Variants in GLRX3 observed in about 807,000 individuals in gnomAD.
GLRX3 encodes glutaredoxin 3.
In GLRX3, 22 loss-of-function variants were observed where a neutral mutation model predicts 49.5. The ratio of observed to expected loss-of-function variants is 0.44; its 90% CI spans 0.32 to 0.63. GLRX3 has a LOEUF of 0.63. Among genes scored for constraint, GLRX3 ranks in the 30% least tolerant of loss-of-function variants. The pLI, the probability that GLRX3 is intolerant of heterozygous loss-of-function variation, is 0.05. For missense variants in GLRX3, 385 were observed against 396.3 expected, an observed-to-expected ratio of 0.97 and a Z score of 0.24; for synonymous variants, 133 against 140.0, an observed-to-expected ratio of 0.95 and a Z score of 0.35.
chr10:130,171,498 T>C, intron 7 of GLRX3, 86 bp from the exon 8 acceptor site: 1 of 803,856 alleles, frequency 1.2e-6, no homozygotes, highest in Non-Finnish European at 2.2e-6. Context: ...GGACAAGTGC[T>C]GTGCTGGTTG....
intron 2 of GLRX3, among the ~76,000 whole-genome samples, chr10:130,149,196 G>A: frequency 6.6e-6 from 1 of 152,114 alleles, no homozygotes; most frequent in Non-Finnish European, 1.5e-5. Context: ...ACCTCCTAGG[G>A]CCCAGAGGAG....
intron 10 of GLRX3, among the ~76,000 whole-genome samples, chr10:130,177,719 G>C (rs548733405): frequency 1.2e-3 from 189 of 152,310 alleles, no homozygotes; most frequent in Non-Finnish European, 2.4e-3. Flanking sequence ...GGAGGGGCAG[G>C]GTGTCTGCTT....
At chr10:130,160,096 T>C (rs768650215) in intron 3 of GLRX3, 27 bp downstream of exon 3, 12 of 1,388,762 alleles carry the variant, frequency 8.6e-6, no homozygotes, top group Non-Finnish European at 1.1e-5. Flanking sequence ...TACAAGAGAT[T>C]ATCCATTTGT....
chr10:130,145,115 A>G, intron 1 of GLRX3, 96 bp from the exon 2 acceptor site: 2 of 539,952 alleles, frequency 3.7e-6, no homozygotes, highest in South Asian at 3.0e-5. Flanking sequence ...GGTTCTTTTA[A>G]AGCTTTCTTT....
At chr10:130,172,469 T>A (rs918666435) in intron 8 of GLRX3, among the ~76,000 whole-genome samples, 4 of 152,200 alleles carry the variant, frequency 2.6e-5, no homozygotes, top group Non-Finnish European at 5.9e-5. Context: ...ATACAGCACA[T>A]GTTCTATAGG....
intron 8 of GLRX3, among the ~76,000 whole-genome samples, chr10:130,173,825 C>T (rs183340532): frequency 5.3e-5 from 8 of 152,148 alleles, no homozygotes; most frequent in African/African-American, 1.7e-4. Context: ...TGATTTATCC[C>T]GTCATTTAGT....
chr10:130,174,866 GT>G lies in GLRX3; in HGVS notation c.825del (p.Val276LeufsTer18). 1 of 1,567,678 alleles carries G rather than the reference GT, an allele frequency of 6.4e-7. No homozygotes were observed. Among genetic ancestry groups the G allele is most frequent in the Non-Finnish European group, 8.8e-7 (1 of 1,138,688 alleles). On this transcript the variant is annotated frameshift_variant and splice_region_variant, in exon 9 of 11. Transcript: ENST00000331244. LOFTEE classifies it high-confidence loss of function. Reference protein sequence around the residue: ...KQILEILNSTGVEYETFDILE... With the variant: ...KQILEILNSTXVEYETFDILE... ...GTTAAAATGTCTTCTCTTTTTTGCA[GT>G]GTTGAATATGAAACATTCGATATAT...
chr10:130,141,490 C>T (rs1862174794), intron 1 of GLRX3, among the ~76,000 whole-genome samples: 2 of 152,156 alleles, frequency 1.3e-5, no homozygotes, highest in African/African-American at 2.4e-5. Flanking sequence ...AGTTTTCCAT[C>T]CCCTTTAGCC....
At chr10:130,157,072 TGTTA>T (rs900478637) in intron 2 of GLRX3, among the ~76,000 whole-genome samples, 8 of 152,300 alleles carry the variant, frequency 5.3e-5, no homozygotes, top group African/African-American at 1.4e-4. Context: ...TTATCTCCTG[TGTTA>T]GTTAGGGTTC....
chr10:130,136,467 T>C lies in GLRX3; in HGVS notation c.47T>C (p.Val16Ala). Residue 16 changes from valine (V) to alanine (A), a missense_variant, in exon 1 of 11, where the codon GTC (valine) becomes GCC (alanine). Physicochemically the swap from Val to Ala is moderately conservative, Grantham distance 64. This residue lies in a region of GLRX3 where 374 missense variants were observed against 358.6 expected (regional missense o/e 1.04). Coordinates refer to ENST00000331244, the MANE Select transcript of GLRX3 (RefSeq NM_006541.5). ...GCAGCTGTAGCGGCCGTGGAGGAGGTCGGCTCAGCCGGGCAGTTTGAGGAG... is the reference window on the plus strand; with the variant it reads ...GCAGCTGTAGCGGCCGTGGAGGAGGCCGGCTCAGCCGGGCAGTTTGAGGAG... ...AEAAVAAVEE[V>A]GSAGQFEELL... 1 of 1,264,454 alleles carries C rather than the reference T, an allele frequency of 7.9e-7. No individual in the cohort carries two copies. The highest frequency in any genetic ancestry group is 1.0e-6 in the Non-Finnish European group (1 of 999,028). 78.3% of individuals were successfully genotyped at this position (1,264,454 alleles called of 1,614,324 possible).
intron 10 of GLRX3, among the ~76,000 whole-genome samples, chr10:130,177,460 A>G (rs1862945502): frequency 6.6e-6 from 1 of 152,208 alleles, no homozygotes; most frequent in Admixed American, 6.5e-5. Flanking sequence ...TTCCAGGCAC[A>G]CTGCTTTGGT....
At chr10:130,166,796 C>A in intron 5 of GLRX3, 117 bp downstream of exon 5, 1 of 905,678 alleles carries the variant, frequency 1.1e-6, no homozygotes, top group Non-Finnish European at 1.8e-6. Context: ...CTAATAAGAA[C>A]CTGCAATGAA....
chr10:130,168,373 G>A (rs150927811), intron 6 of GLRX3, among the ~76,000 whole-genome samples: 10 of 152,302 alleles, frequency 6.6e-5, no homozygotes, highest in South Asian at 2.1e-4. Flanking sequence ...AATCCCACTC[G>A]GTTGGCAATG....
intron 2 of GLRX3, among the ~76,000 whole-genome samples, chr10:130,147,564 C>G (rs990621400): frequency 1.3e-5 from 2 of 152,206 alleles, no homozygotes; most frequent in African/African-American, 4.8e-5. Flanking sequence ...TAAGATTGGT[C>G]ATTCTTCCAG....
chr10:130,179,842 A>T (rs1662229207), downstream of GLRX3, among the ~76,000 whole-genome samples: 1 of 152,210 alleles, frequency 6.6e-6, no homozygotes, highest in African/African-American at 2.4e-5. Flanking sequence ...CAGCTTAGGA[A>T]AAACAACGGA....
At chr10:130,171,262 CAATG>C (rs759158178) in intron 7 of GLRX3, among the ~76,000 whole-genome samples, 4 of 152,106 alleles carry the variant, frequency 2.6e-5, no homozygotes, top group Admixed American at 1.3e-4. Flanking sequence ...GTGAATTAAA[CAATG>C]AACTCAAATC....
rs377445455 is a variant in GLRX3, at chr10:130,176,247, G to A, written c.957+1158G>A. ...TGATTCTCCTGCCTCAGCCTCCTGA[G>A]TAGCTGGGATTACAGGCACCCGCCA... On this transcript the variant is annotated intron_variant, in intron 10 of 10. Coordinates refer to ENST00000331244, the MANE Select transcript of GLRX3 (RefSeq NM_006541.5). 7.9e-4 allele frequency among the ~76,000 whole-genome samples: 120 copies of A among 151,690 alleles called. 1 individual carries two copies. The South Asian group carries it at 0.024, about 30-fold the overall frequency.
At chr10:130,175,644 G>A (rs1026569233) in intron 10 of GLRX3, among the ~76,000 whole-genome samples, 1 of 152,206 alleles carries the variant, frequency 6.6e-6, no homozygotes, top group Admixed American at 6.5e-5. Flanking sequence ...TGTATTTTAG[G>A]AGTTCAGTAA....
intron 2 of GLRX3, among the ~76,000 whole-genome samples, chr10:130,149,744 T>A (rs567015359): frequency 8.6e-5 from 13 of 151,456 alleles, no homozygotes; most frequent in Non-Finnish European, 1.6e-4. Flanking sequence ...AATCAACTAT[T>A]TTGTATGAAA....
Sources: allele counts gnomAD v4.1 joint callset (sites outside exome capture counted in the v4.1 genomes callset), GRCh38; gene constraint gnomAD v4.1.1; regional missense constraint gnomAD v4.1.1; transcripts MANE v1.5; gene names NCBI Gene and HGNC (gene_info 2026-07-23, HGNC 2026-07-21).